Variants in MDN1 observed in about 807,000 individuals in gnomAD.
MDN1 encodes midasin.
A neutral mutation model predicts 669.2 loss-of-function variants in MDN1; 266 were observed. That is an observed-to-expected ratio of 0.40 (90% CI 0.36 to 0.44). MDN1 has a LOEUF of 0.44. Among genes scored for constraint, MDN1 ranks in the 20% least tolerant of loss-of-function variants. The pLI, the probability that MDN1 is intolerant of heterozygous loss-of-function variation, is 1.00. For synonymous variants in MDN1, 2,385 were observed against 2,457.1 expected, an observed-to-expected ratio of 0.97 and a Z score of 0.87; for missense variants, 5,940 against 6,754.0, an observed-to-expected ratio of 0.88 and a Z score of 4.22.
Position 89,687,873 on chromosome 6 carries a change from A to G in MDN1, c.11355+205T>C, listed in dbSNP as rs1470518419. 4.6e-5 allele frequency among the ~76,000 whole-genome samples: 7 copies of G among 152,298 alleles called. 1 individual carries two copies. The highest frequency in any genetic ancestry group is 1.7e-4 in the African/African-American group (7 of 41,576). ...TCATTACCGGTAGATACTGCATCCC[A>G]CTGGATAAAAGGCAAGGCAGCTAGC... On this transcript the variant is annotated intron_variant, in intron 67 of 101. Coordinates refer to ENST00000369393, the MANE Select transcript of MDN1 (RefSeq NM_014611.3).
At position 89,712,777 on chromosome 6, in the gene MDN1, C is replaced by G. The variant is rs758824356; in HGVS notation, c.7228G>C (p.Ala2410Pro). 6.2e-7 allele frequency: 1 copy of G among 1,613,916 alleles called. No individual in the cohort carries two copies. Among genetic ancestry groups the G allele is most frequent in the African/African-American group, 1.3e-5 (1 of 74,890 alleles). The change falls in exon 48 of 102, where the codon GCT becomes CCT. Residue 2410 changes from alanine (A) to proline (P), a missense_variant. By Grantham distance (27) the Ala-to-Pro change is conservative. This residue lies in a region of MDN1 where 2,292 missense variants were observed against 2,638.3 expected (regional missense o/e 0.87). Transcript: ENST00000369393. The part of the protein sequence containing the change: ...HSPANRKLVQ[A>P]LLEKHVSSLR... ...GAAGAAACATGTTTCTCCAGTAAAG[C>G]CTGTACAAGCTGGTAGGAGACAAAA...
chr6:89,676,082 CTCATGTTCTA>C lies in MDN1; in HGVS notation c.12645+10_12645+19del. The C allele has an allele frequency of 6.2e-7, 1 of 1,608,362 alleles. No homozygotes were observed. The highest frequency in any genetic ancestry group is 8.5e-7 in the Non-Finnish European group (1 of 1,174,762). On this transcript the variant is annotated intron_variant, in intron 77 of 101. Coordinates refer to ENST00000369393, the MANE Select transcript of MDN1 (RefSeq NM_014611.3). ...GGGCTTTCCCTGAGCCCCTGCAAGACTCATGTTCTATCATTCTACCTTGGCAGGAGTTGCT... is the reference window on the plus strand; with the variant it reads ...GGGCTTTCCCTGAGCCCCTGCAAGACTCATTCTACCTTGGCAGGAGTTGCT...
intron 48 of MDN1, 30 bp downstream of exon 48, chr6:89,712,545 C>T: frequency 1.2e-6 from 2 of 1,600,128 alleles, no homozygotes; most frequent in Non-Finnish European, 1.7e-6. Flanking sequence ...AGCCAAGAAA[C>T]CAGAGACACA....
intron 34 of MDN1, among the ~76,000 whole-genome samples, chr6:89,731,440 T>C (rs1815586073): frequency 6.6e-6 from 1 of 152,034 alleles, no homozygotes; most frequent in South Asian, 2.1e-4. Context: ...CCATAAAAAA[T>C]AAGTGCATGT....
At chr6:89,719,308 A>G (rs544002418) in intron 40 of MDN1, 83 bp from the exon 41 acceptor site, 13 of 1,111,980 alleles carry the variant, frequency 1.2e-5, no homozygotes, top group South Asian at 2.6e-5. Context: ...AAGCACAGTG[A>G]TAAGAGTCAC....
chr6:89,686,038 C>T, intron 69 of MDN1, 65 bp from the exon 70 acceptor site: 2 of 1,514,494 alleles, frequency 1.3e-6, no homozygotes, highest in East Asian at 4.6e-5. Context: ...TCCTAACATG[C>T]ACGCAATCTA....
At chr6:89,764,815 G>C (rs1817723284) in intron 15 of MDN1, among the ~76,000 whole-genome samples, 1 of 152,192 alleles carries the variant, frequency 6.6e-6, no homozygotes, top group South Asian at 2.1e-4. Context: ...AAGTACCACT[G>C]TCAGATTATG....
chr6:89,687,133 G>A (rs1185878488), intron 68 of MDN1, 110 bp from the exon 69 acceptor site: 1 of 1,485,546 alleles, frequency 6.7e-7, no homozygotes. Flanking sequence ...AATGGAGATG[G>A]AGGAGCCACC....
chr6:89,813,062 T>C (rs1370880825), intron 1 of MDN1, among the ~76,000 whole-genome samples: 1 of 151,986 alleles, frequency 6.6e-6, no homozygotes, highest in Non-Finnish European at 1.5e-5. Flanking sequence ...TGCCTCAGCC[T>C]CCCCAGTAGC....
At chr6:89,719,935 T>C (rs376035225) in intron 40 of MDN1, among the ~76,000 whole-genome samples, 1 of 152,136 alleles carries the variant, frequency 6.6e-6, no homozygotes, top group African/African-American at 2.4e-5. Context: ...ATTTTGGATC[T>C]CTAAAAAATC....
Position 89,658,836 on chromosome 6 carries a change from T to G in MDN1, c.14795A>C (p.Gln4932Pro), listed in dbSNP as rs1809517772. The change falls in exon 89 of 102, where the codon CAG (glutamine) becomes CCG (proline). Residue 4932 changes from glutamine (Q) to proline (P), a missense_variant. Coordinates refer to ENST00000369393, the MANE Select transcript of MDN1 (RefSeq NM_014611.3). ...AEERGETETD[Q>P]NESQSPQEPE... The stretch of plus-strand genomic sequence containing the variant: ...CTCCTGTGGACTCTGACTTTCGTTC[T>G]GGTCGGTCTCGGTCTCTCCTCTTTC... 1 of 1,614,124 alleles carries G rather than the reference T, an allele frequency of 6.2e-7. No individual in the cohort carries two copies. Among genetic ancestry groups the G allele is most frequent in the Non-Finnish European group, 8.5e-7 (1 of 1,180,052 alleles).
At chr6:89,701,717 G>C (rs770311610) in intron 54 of MDN1, 39 bp from the exon 55 acceptor site, 2 of 1,599,736 alleles carry the variant, frequency 1.3e-6, no homozygotes, top group South Asian at 1.1e-5. Flanking sequence ...AATAAGGAAA[G>C]GGGGAAATGC....
intron 15 of MDN1, among the ~76,000 whole-genome samples, chr6:89,770,819 G>A (rs945189728): frequency 1.3e-5 from 2 of 152,106 alleles, no homozygotes; most frequent in Admixed American, 6.6e-5. Context: ...TTACACTTTA[G>A]ATCAACTGTA....
chr6:89,753,436 A>T, intron 22 of MDN1, 76 bp downstream of exon 22: 4 of 1,188,856 alleles, frequency 3.4e-6, no homozygotes, highest in Non-Finnish European at 3.6e-6. Context: ...ATGTGAAAAA[A>T]AAAAAACCAA....
intron 58 of MDN1, 73 bp downstream of exon 58, chr6:89,699,528 C>A: frequency 4.7e-6 from 7 of 1,486,798 alleles, no homozygotes; most frequent in South Asian, 1.4e-5. Flanking sequence ...AAAATGTTTC[C>A]CAACCAGTCT....
intron 80 of MDN1, 53 bp downstream of exon 80, chr6:89,673,183 A>G: frequency 7.0e-7 from 1 of 1,427,654 alleles, no homozygotes; most frequent in Non-Finnish European, 9.9e-7. Context: ...TACATCTATA[A>G]GACATCATTT....
At chr6:89,749,195 T>C in intron 26 of MDN1, 28 bp downstream of exon 26, 22 of 1,607,772 alleles carry the variant, frequency 1.4e-5, no homozygotes, top group Non-Finnish European at 1.9e-5. Flanking sequence ...CCAAGTATAA[T>C]CAATACATTC....
chr6:89,765,300 T>G (rs767900658), intron 15 of MDN1, among the ~76,000 whole-genome samples: 9 of 151,928 alleles, frequency 5.9e-5, no homozygotes, highest in Admixed American at 5.3e-4. Context: ...GATTGTACTT[T>G]AAAGGATCAT....
At chr6:89,751,209 T>C (rs770663111) in intron 23 of MDN1, among the ~76,000 whole-genome samples, 2 of 152,202 alleles carry the variant, frequency 1.3e-5, no homozygotes, top group African/African-American at 2.4e-5. Flanking sequence ...ACTTTAAAGA[T>C]AGATAAAATC....
Sources: allele counts gnomAD v4.1 joint callset (sites outside exome capture counted in the v4.1 genomes callset), GRCh38; gene constraint gnomAD v4.1.1; regional missense constraint gnomAD v4.1.1; transcripts MANE v1.5; gene names NCBI Gene and HGNC (gene_info 2026-07-23, HGNC 2026-07-21).